Variants in CTNND2 observed in about 807,000 individuals in gnomAD.
CTNND2 encodes catenin delta 2.
A neutral mutation model predicts 144.4 loss-of-function variants in CTNND2; 22 were observed. That is an observed-to-expected ratio of 0.15 (90% confidence interval 0.11 to 0.22). CTNND2 has a LOEUF of 0.22. Among genes scored for constraint, CTNND2 ranks in the 10% least tolerant of loss-of-function variants. The pLI, the probability that CTNND2 is intolerant of heterozygous loss-of-function variation, is 1.00. For missense variants in CTNND2, 1,353 were observed against 1,618.8 expected, an observed-to-expected ratio of 0.84 and a Z score of 2.82; for synonymous variants, 751 against 695.6, an observed-to-expected ratio of 1.08 and a Z score of -1.25.
intron 2 of CTNND2, among the ~76,000 whole-genome samples, chr5:11,610,161 C>G (rs1209275821): frequency 6.6e-6 from 1 of 152,144 alleles, no homozygotes; most frequent in Admixed American, 6.5e-5. Flanking sequence ...TTGGCTGTTC[C>G]CTGGGAATGG....
chr5:11,149,365 G>A (rs1380289498), intron 12 of CTNND2, among the ~76,000 whole-genome samples: 1 of 152,202 alleles, frequency 6.6e-6, no homozygotes, highest in Non-Finnish European at 1.5e-5. Flanking sequence ...GTAACCCCGG[G>A]AAGAACAATG....
At chr5:11,627,393 T>G (rs1781212165) in intron 2 of CTNND2, among the ~76,000 whole-genome samples, 1 of 152,194 alleles carries the variant, frequency 6.6e-6, no homozygotes, top group Admixed American at 6.6e-5. Context: ...ATTGGCTGTG[T>G]ACCATGATGT....
At chr5:11,393,330 A>G (rs77736484) in intron 6 of CTNND2, among the ~76,000 whole-genome samples, 12 of 152,206 alleles carry the variant, frequency 7.9e-5, no homozygotes, top group African/African-American at 2.9e-4. Context: ...ACACTGTTCA[A>G]TTCTACTGGA....
intron 3 of CTNND2, among the ~76,000 whole-genome samples, chr5:11,564,597 TG>T (rs1776928696): frequency 6.6e-6 from 1 of 151,806 alleles, no homozygotes; most frequent in African/African-American, 2.4e-5. Context: ...TTCAGGAACC[TG>T]GAGCTCTGGA....
rs140846335 is a variant in CTNND2 at position 11,715,834 on chromosome 5, A to C, written c.174+16302T>G. Among the ~76,000 whole-genome samples, 9 of 152,322 alleles carry C rather than the reference A, an allele frequency of 5.9e-5. No individual in the cohort carries two copies. The East Asian group carries it at 1.7e-3, about 29-fold the overall frequency. ...AAACCAAAAAAATGAAAATGACAAA[A>C]AACAAAATCAAACAACAAAAAATAA... On this transcript the variant is annotated intron_variant, in intron 2 of 21. Coordinates refer to ENST00000304623, the MANE Select transcript of CTNND2 (RefSeq NM_001332.4).
At chr5:11,330,782 CAAAAAA>C (rs70949317) in intron 9 of CTNND2, among the ~76,000 whole-genome samples, 1 of 139,530 alleles carries the variant, frequency 7.2e-6, no homozygotes, top group Non-Finnish European at 1.6e-5. Context: ...AACTCTGTAT[CAAAAAA>C]AAAAAAAAAA....
At chr5:11,729,631 T>C (rs1411309892) in intron 2 of CTNND2, among the ~76,000 whole-genome samples, 1 of 152,190 alleles carries the variant, frequency 6.6e-6, no homozygotes, top group Non-Finnish European at 1.5e-5. Context: ...TTTCAAATAA[T>C]TTTATAATAA....
chr5:11,539,833 A>C (rs568360983), intron 3 of CTNND2, among the ~76,000 whole-genome samples: 1 of 152,194 alleles, frequency 6.6e-6, no homozygotes, highest in African/African-American at 2.4e-5. Flanking sequence ...CAGGAGTTCA[A>C]GACCAGCCTG....
intron 10 of CTNND2, among the ~76,000 whole-genome samples, chr5:11,212,592 CT>C (rs1738750756): frequency 6.6e-6 from 1 of 152,178 alleles, no homozygotes; most frequent in African/African-American, 2.4e-5. Flanking sequence ...GACTTGGAGA[CT>C]TTACGAAGTA....
rs962419573 is a variant in CTNND2, at chr5:11,501,977, G to A, written c.287+62967C>T. On this transcript the variant is annotated intron_variant, in intron 3 of 21. Transcript: ENST00000304623. ...CAGCAGACGGAGCTTGCAGTGAGCC[G>A]TGATTGCGCTACTGCACTCCAGCCT... 5.5e-5 allele frequency among the ~76,000 whole-genome samples: 8 copies of A among 144,578 alleles called. No individual in the cohort carries two copies. In the East Asian group the frequency reaches 1.5e-3, roughly 27 times the overall value. The allele number at this position is 144,578 out of a possible 152,430, so 94.8% of individuals were successfully genotyped here. A position where few individuals can be genotyped will look rare whatever the true frequency, so the allele number is the denominator to read the frequency against.
At chr5:11,822,521 T>C (rs1793369070) in intron 1 of CTNND2, among the ~76,000 whole-genome samples, 2 of 152,104 alleles carry the variant, frequency 1.3e-5, no homozygotes, top group Admixed American at 6.5e-5. Flanking sequence ...TTCCGCATCC[T>C]GGTATTCACG....
intron 2 of CTNND2, among the ~76,000 whole-genome samples, chr5:11,601,745 A>G (rs1368811514): frequency 6.6e-6 from 1 of 152,174 alleles, no homozygotes; most frequent in Non-Finnish European, 1.5e-5. Flanking sequence ...TCTAAAACCA[A>G]AGAGAGATTA....
chr5:11,732,100 C>T (rs1273902622), intron 2 of CTNND2, 36 bp downstream of exon 2: 2 of 1,590,308 alleles, frequency 1.3e-6, no homozygotes, highest in South Asian at 2.3e-5. Context: ...TTAAAATGTC[C>T]CCAAACGCAT....
rs150564931 is a variant in CTNND2, at chr5:10,981,118, C to T, written c.3417+655G>A. Among the ~76,000 whole-genome samples, 1,229 of 152,200 alleles carry T rather than the reference C, an allele frequency of 8.1e-3. 8 individuals are homozygous for T. The highest frequency in any genetic ancestry group is 0.02 in the Middle Eastern group (6 of 294). ...CCTCAAACCTGAATGTGCACACAAG[C>T]GCATCTAATTAGAATGCAACTGTGC... On this transcript the variant is annotated intron_variant, in intron 21 of 21. Transcript: ENST00000304623.
At chr5:11,492,437 A>C (rs1312793896) in intron 3 of CTNND2, among the ~76,000 whole-genome samples, 1 of 152,012 alleles carries the variant, frequency 6.6e-6, no homozygotes, top group Non-Finnish European at 1.5e-5. Context: ...ATATCTGTAC[A>C]TATGTCTATA....
At chr5:11,492,511 G>A (rs930360160) in intron 3 of CTNND2, among the ~76,000 whole-genome samples, 4 of 145,272 alleles carry the variant, frequency 2.8e-5, no homozygotes, top group South Asian at 2.1e-4. Flanking sequence ...ATATATGTGT[G>A]TGTGTGTGTG....
Position 11,663,037 on chromosome 5 carries a change from C to A in CTNND2, c.174+69099G>T, listed in dbSNP as rs1206929583. Among the ~76,000 whole-genome samples, 3 of 152,294 alleles carry A rather than the reference C, an allele frequency of 2.0e-5. No homozygotes were observed. The East Asian group carries it at 5.8e-4, about 29-fold the overall frequency. On this transcript the variant is annotated intron_variant, in intron 2 of 21. Coordinates refer to ENST00000304623, the MANE Select transcript of CTNND2 (RefSeq NM_001332.4). ...GTGAGAATGAGAAGTGAGGAAGGCA[C>A]CAAATGATTCCTAGCTATTTTTAAG...
chr5:11,235,463 T>C (rs1741520475), intron 10 of CTNND2, among the ~76,000 whole-genome samples: 1 of 152,190 alleles, frequency 6.6e-6, no homozygotes, highest in Non-Finnish European at 1.5e-5. Flanking sequence ...ACAGTTGGTA[T>C]TTTTTCACAT....
chr5:11,882,010 C>T (rs1736154401), intron 1 of CTNND2, among the ~76,000 whole-genome samples: 1 of 151,798 alleles, frequency 6.6e-6, no homozygotes, highest in African/African-American at 2.4e-5. Context: ...TTTTCATGTA[C>T]CTGTTAGATA....
Sources: gnomAD v4.1 joint callset for allele counts (sites outside exome capture counted in the v4.1 genomes callset) on GRCh38, gnomAD v4.1.1 for gene constraint, MANE v1.5 for transcripts, NCBI Gene and HGNC (gene_info 2026-07-23, HGNC 2026-07-21) for gene names.